Variants in CORO2A observed in about 807,000 individuals in gnomAD.
CORO2A encodes coronin 2A, also known as coronin-2A.
Under a neutral mutation model 62.4 loss-of-function variants are expected in CORO2A, and 47 were observed. The observed-to-expected ratio is 0.75, with a 90% CI of 0.60 to 0.96. CORO2A has a LOEUF of 0.96. Among genes scored for constraint, CORO2A ranks in the 40% least tolerant of loss-of-function variants. The pLI is 0.00. For missense variants in CORO2A, 610 were observed against 684.1 expected (o/e 0.89, Z 1.21); for synonymous variants, 273 against 268.9 (o/e 1.02, Z -0.15).
chr9:98,192,563 A>G lies in CORO2A; in HGVS notation c.-5T>C, dbSNP rs1828317982. Reference sequence around the variant, plus strand: ...GGCGGCGCAGGGCCGCCCTACCTTGATGACTGCCGCGCAGGTGGCGGTGGC... The same window carrying G: ...GGCGGCGCAGGGCCGCCCTACCTTGGTGACTGCCGCGCAGGTGGCGGTGGC... On this transcript the variant is annotated 5_prime_UTR_variant, in exon 1 of 12. Coordinates refer to ENST00000375077, the MANE Select transcript of CORO2A (RefSeq NM_052820.4). 1 of 151,352 alleles carries G rather than the reference A, an allele frequency of 6.6e-6. No individual in the cohort carries two copies. The highest frequency in any genetic ancestry group is 1.5e-5 in the Non-Finnish European group (1 of 67,830). The allele number at this position is 151,352 out of a possible 1,614,324, so 9.4% of individuals were successfully genotyped here. A position where few individuals can be genotyped will look rare whatever the true frequency, so the allele number is the denominator to read the frequency against.
intron 1 of CORO2A, among the ~76,000 whole-genome samples, chr9:98,162,919 G>A (rs74563327): frequency 6.6e-5 from 10 of 152,174 alleles, no homozygotes; most frequent in African/African-American, 2.4e-4. Flanking sequence ...CAGAACAGCC[G>A]ATTCGAGCCA....
intron 1 of CORO2A, among the ~76,000 whole-genome samples, chr9:98,162,610 G>A (rs1827901286): frequency 6.6e-6 from 1 of 152,224 alleles, no homozygotes; most frequent in Admixed American, 6.5e-5. Context: ...ATGTGTATAT[G>A]CATGGGTGAA....
At chr9:98,185,677 AGCCACAGGAGTT>A (rs1828230417) in intron 1 of CORO2A, among the ~76,000 whole-genome samples, 2 of 152,248 alleles carry the variant, frequency 1.3e-5, no homozygotes, top group Non-Finnish European at 2.9e-5. Context: ...CCTTAGGAAC[AGCCACAGGAGTT>A]GCCCAGTTAT....
At position 98,164,636 on chromosome 9, in the gene CORO2A, T is replaced by C. The variant is rs894173386; in HGVS notation, c.1-6976A>G. On this transcript the variant is annotated intron_variant, in intron 1 of 11. Coordinates refer to ENST00000375077, the MANE Select transcript of CORO2A (RefSeq NM_052820.4). ...GCTCTGTGAATCTAAGGCCAGACCC[T>C]GGTTTAAACCACCACCTCTTGGCAC... 4.6e-5 allele frequency among the ~76,000 whole-genome samples: 7 copies of C among 152,230 alleles called. No homozygotes were observed. In the South Asian group the frequency reaches 1.2e-3, roughly 27 times the overall value.
intron 2 of CORO2A, among the ~76,000 whole-genome samples, chr9:98,154,880 C>CA (rs1448815735): frequency 6.6e-6 from 1 of 152,154 alleles, no homozygotes; most frequent in Non-Finnish European, 1.5e-5. Flanking sequence ...ATAATACAAA[C>CA]AATGCTACTA....
chr9:98,134,679 G>A (rs1827459258), intron 4 of CORO2A, 127 bp downstream of exon 4: 4 of 1,118,976 alleles, frequency 3.6e-6, no homozygotes, highest in Non-Finnish European at 5.0e-6. Flanking sequence ...TCTGGAGGGA[G>A]CTGGCTCTCC....
At chr9:98,142,166 C>A (rs1827577334) in intron 2 of CORO2A, among the ~76,000 whole-genome samples, 1 of 152,184 alleles carries the variant, frequency 6.6e-6, no homozygotes, top group African/African-American at 2.4e-5. Flanking sequence ...CTCTAGAGAC[C>A]AGGAATGGAG....
chr9:98,185,675 A>T (rs540171851), intron 1 of CORO2A, among the ~76,000 whole-genome samples: 1 of 152,346 alleles, frequency 6.6e-6, no homozygotes, highest in East Asian at 1.9e-4. Flanking sequence ...AGCCTTAGGA[A>T]CAGCCACAGG....
At chr9:98,127,817 CAAAAAAAAAAA>C (rs11342322) in intron 10 of CORO2A, among the ~76,000 whole-genome samples, 12 of 49,042 alleles carry the variant, frequency 2.4e-4, no homozygotes, top group Middle Eastern at 0.034. Context: ...GACTCTGTCT[CAAAAAAAAAAA>C]AAAAAAAAAA....
At chr9:98,161,763 T>C (rs1443533477) in intron 1 of CORO2A, among the ~76,000 whole-genome samples, 1 of 152,114 alleles carries the variant, frequency 6.6e-6, no homozygotes, top group Non-Finnish European at 1.5e-5. Context: ...CAACCAAATG[T>C]GGTGCCTGAG....
In CORO2A at chr9:98,124,661, T is replaced by C. The variant is rs137969522; in HGVS notation, c.*113A>G. ...TTCAGCGATGGAGAGTTTTGTTTTC[T>C]GGTAAAAAATATAGAAATAGTGGTT... On this transcript the variant is annotated 3_prime_UTR_variant, in exon 12 of 12. Transcript: ENST00000375077. 80 of 1,134,936 alleles carry C rather than the reference T, an allele frequency of 7.0e-5. No homozygotes were observed. In the African/African-American group the frequency reaches 1.1e-3, roughly 16 times the overall value. 70.3% of individuals were successfully genotyped at this position (1,134,936 alleles called of 1,614,324 possible).
intron 1 of CORO2A, among the ~76,000 whole-genome samples, chr9:98,184,232 A>AT (rs55763078): frequency 2.7e-4 from 40 of 148,968 alleles, no homozygotes; most frequent in Non-Finnish European, 3.7e-4. Context: ...ATTTTATTTT[A>AT]TTTTTTTTTT....
At chr9:98,127,297 C>A (rs1457261024) in intron 10 of CORO2A, among the ~76,000 whole-genome samples, 1 of 152,218 alleles carries the variant, frequency 6.6e-6, no homozygotes. Flanking sequence ...CCGCTGCCCC[C>A]CAAGGCAGAG....
intron 2 of CORO2A, among the ~76,000 whole-genome samples, chr9:98,139,355 T>G (rs893120576): frequency 6.6e-6 from 1 of 151,870 alleles, no homozygotes; most frequent in African/African-American, 2.4e-5. Flanking sequence ...AGGCCTGGCA[T>G]GGTGGCTCAC....
chr9:98,126,173 C>T (rs1013855253), intron 11 of CORO2A, among the ~76,000 whole-genome samples: 7 of 151,754 alleles, frequency 4.6e-5, no homozygotes, highest in South Asian at 2.1e-4. Flanking sequence ...GTAGCTGGGA[C>T]TACAGGTGTA....
At chr9:98,163,892 G>A (rs772379953) in intron 1 of CORO2A, among the ~76,000 whole-genome samples, 4 of 152,112 alleles carry the variant, frequency 2.6e-5, no homozygotes, top group Non-Finnish European at 4.4e-5. Context: ...CAAACTGGGC[G>A]TGGTGCAAAC....
intron 2 of CORO2A, among the ~76,000 whole-genome samples, chr9:98,141,623 G>C (rs1302976493): frequency 1.3e-5 from 2 of 152,140 alleles, no homozygotes; most frequent in South Asian, 2.1e-4. Flanking sequence ...CAAAGTGCTG[G>C]GATTATAGGC....
At chr9:98,150,593 AT>A (rs1400756754) in intron 2 of CORO2A, among the ~76,000 whole-genome samples, 1 of 152,104 alleles carries the variant, frequency 6.6e-6, no homozygotes, top group East Asian at 1.9e-4. Context: ...CATCACACCA[AT>A]TTATTTTCTT....
intron 1 of CORO2A, among the ~76,000 whole-genome samples, chr9:98,186,429 T>G (rs1828239693): frequency 6.6e-6 from 1 of 152,184 alleles, no homozygotes; most frequent in Non-Finnish European, 1.5e-5. Context: ...GATCCTGGGC[T>G]AGCTACCCAA....
Sources: gnomAD v4.1 joint callset for allele counts (sites outside exome capture counted in the v4.1 genomes callset) on GRCh38, gnomAD v4.1.1 for gene constraint, MANE v1.5 for transcripts, NCBI Gene and HGNC (gene_info 2026-07-23, HGNC 2026-07-21) for gene names.